CSMD1: variants seen among roughly 807,000 people sequenced by gnomAD.
CSMD1 encodes CUB and sushi domain-containing protein 1.
CSMD1 carries 213 observed loss-of-function variants against 417.5 expected under a neutral mutation model. The ratio of observed to expected loss-of-function variants is 0.51; its 90% confidence interval spans 0.46 to 0.57. The LOEUF (loss-of-function observed/expected upper bound fraction) is 0.57, where lower values mean the gene tolerates loss of function less well. Among genes scored for constraint, CSMD1 ranks in the 20% least tolerant of loss-of-function variants. CSMD1 has a pLI of 0.00. For missense variants in CSMD1, 6,923 were observed against 4,529.7 expected (o/e 1.53, Z -15.17); for synonymous variants, 2,862 against 1,736.8 (o/e 1.65, Z -16.11).
chr8:3,711,682 C>G (rs2129041226), intron 6 of CSMD1, among the ~76,000 whole-genome samples: 1 of 152,290 alleles, frequency 6.6e-6, no homozygotes. Flanking sequence ...CTCCTGGTGG[C>G]ACACTCAGAA....
At chr8:4,183,511 GCA>G (rs756217990) in intron 3 of CSMD1, among the ~76,000 whole-genome samples, 1 of 152,146 alleles carries the variant, frequency 6.6e-6, no homozygotes, top group Admixed American at 6.5e-5. Flanking sequence ...CTTCTATCAT[GCA>G]CAGACATTAC....
intron 6 of CSMD1, among the ~76,000 whole-genome samples, chr8:3,710,032 C>A (rs5003043): frequency 2.6e-5 from 4 of 151,824 alleles, no homozygotes; most frequent in Non-Finnish European, 5.9e-5. Flanking sequence ...ATAGCCCACT[C>A]TTGACCAGAT....
Position 3,106,600 on chromosome 8 carries a change from C to G in CSMD1, c.6877G>C (p.Val2293Leu). 1 of 1,613,754 alleles carries G rather than the reference C, an allele frequency of 6.2e-7. No homozygotes were observed. Among genetic ancestry groups the G allele is most frequent in the Non-Finnish European group, 8.5e-7 (1 of 1,179,806 alleles). ...TTGCAAGTCAGAATGTCGGTCCCCACCAAGGTGTACCCGGGGTGGCACTGG... is the reference window on the plus strand; with the variant it reads ...TTGCAAGTCAGAATGTCGGTCCCCAGCAAGGTGTACCCGGGGTGGCACTGG... The part of the protein sequence containing the change: ...KYQCHPGYTL[V>L]GTDILTCKLS... Residue 2293 changes from valine (V) to leucine (L), a missense_variant, in exon 46 of 70, where the codon GTG becomes CTG. By Grantham distance (32) the Val-to-Leu change is conservative (BLOSUM62 1). Coordinates refer to ENST00000635120, the MANE Select transcript of CSMD1 (RefSeq NM_033225.6).
intron 4 of CSMD1, among the ~76,000 whole-genome samples, chr8:4,008,445 G>A (rs1266916587): frequency 6.6e-6 from 1 of 151,412 alleles, no homozygotes; most frequent in Non-Finnish European, 1.5e-5. Flanking sequence ...GAAATTTGGT[G>A]ACAGAATTAA....
intron 4 of CSMD1, among the ~76,000 whole-genome samples, chr8:4,016,034 C>T (rs1359746552): frequency 1.3e-5 from 2 of 152,182 alleles, no homozygotes; most frequent in African/African-American, 2.4e-5. Context: ...TTGGACATGA[C>T]ATCTAAGCTC....
At chr8:4,131,267 T>C (rs1803085639) in intron 3 of CSMD1, among the ~76,000 whole-genome samples, 3 of 151,080 alleles carry the variant, frequency 2.0e-5, no homozygotes, top group Admixed American at 6.6e-5. Context: ...GGAGATGAAC[T>C]GTAGGAACTG....
At chr8:3,096,105 A>C (rs1381074436) in intron 47 of CSMD1, among the ~76,000 whole-genome samples, 1 of 152,202 alleles carries the variant, frequency 6.6e-6, no homozygotes, top group Non-Finnish European at 1.5e-5. Flanking sequence ...TATTACATAT[A>C]GGAGAGAGAG....
intron 5 of CSMD1, among the ~76,000 whole-genome samples, chr8:3,852,902 TA>T (rs1455716768): frequency 1.3e-5 from 2 of 152,176 alleles, no homozygotes; most frequent in Non-Finnish European, 1.5e-5. Context: ...TCTCTCATTT[TA>T]AAATATTTTA....
intron 3 of CSMD1, among the ~76,000 whole-genome samples, chr8:4,064,802 G>A (rs902832999): frequency 1.1e-4 from 16 of 152,006 alleles, no homozygotes; most frequent in African/African-American, 2.4e-4. Flanking sequence ...CTGTACTCCC[G>A]GTGATCTTGT....
intron 36 of CSMD1, among the ~76,000 whole-genome samples, chr8:3,183,862 A>G (rs551501875): frequency 6.6e-6 from 1 of 152,330 alleles, no homozygotes; most frequent in South Asian, 2.1e-4. Context: ...TTTTCACAAC[A>G]ATCACCCCAG....
At chr8:4,909,584 G>C (rs902502844) in intron 1 of CSMD1, among the ~76,000 whole-genome samples, 21 of 152,120 alleles carry the variant, frequency 1.4e-4, no homozygotes, top group African/African-American at 4.3e-4. Context: ...GGTAAGAAGG[G>C]ATATTCCTGG....
At chr8:3,671,213 AG>A (rs968223766) in intron 7 of CSMD1, among the ~76,000 whole-genome samples, 29 of 147,092 alleles carry the variant, frequency 2.0e-4, no homozygotes, top group Non-Finnish European at 1.5e-5. Context: ...ATCTATGTAT[AG>A]GGGATGTATG....
At chr8:3,358,084 TAAAAC>T (rs1313885281) in intron 21 of CSMD1, among the ~76,000 whole-genome samples, 1 of 152,128 alleles carries the variant, frequency 6.6e-6, no homozygotes, top group Non-Finnish European at 1.5e-5. Flanking sequence ...CATGGTAAAA[TAAAAC>T]AAGTTATGCT....
At chr8:3,167,817 C>T (rs1820326750) in intron 37 of CSMD1, among the ~76,000 whole-genome samples, 2 of 152,184 alleles carry the variant, frequency 1.3e-5, no homozygotes, top group South Asian at 4.2e-4. Flanking sequence ...TCATCAGGTC[C>T]CTGGAATTTA....
intron 3 of CSMD1, among the ~76,000 whole-genome samples, chr8:4,230,250 T>C (rs1801634346): frequency 6.6e-6 from 1 of 152,186 alleles, no homozygotes; most frequent in Non-Finnish European, 1.5e-5. Flanking sequence ...TACAATAGAT[T>C]TATATCGTTG....
intron 2 of CSMD1, among the ~76,000 whole-genome samples, chr8:4,610,826 G>T: frequency 6.6e-6 from 1 of 152,182 alleles, no homozygotes; most frequent in East Asian, 1.9e-4. Flanking sequence ...ATGCCTGTGA[G>T]TATAAACAAC....
chr8:4,162,841 C>T (rs1364630258), intron 3 of CSMD1, among the ~76,000 whole-genome samples: 2 of 152,144 alleles, frequency 1.3e-5, no homozygotes, highest in African/African-American at 4.8e-5. Context: ...TATGTGTTCA[C>T]CATTGCAGTA....
chr8:3,539,082 C>T (rs529139533), intron 10 of CSMD1, among the ~76,000 whole-genome samples: 3 of 152,310 alleles, frequency 2.0e-5, no homozygotes, highest in East Asian at 1.9e-4. Flanking sequence ...ACGTCTCTTA[C>T]AGTCTTGCCC....
intron 3 of CSMD1, among the ~76,000 whole-genome samples, chr8:4,327,489 C>G (rs1799626071): frequency 6.6e-6 from 1 of 152,160 alleles, no homozygotes; most frequent in East Asian, 1.9e-4. Context: ...ATGAGCCATT[C>G]TCTGTGCTGA....
Sources: allele counts gnomAD v4.1 joint callset (sites outside exome capture counted in the v4.1 genomes callset), GRCh38; gene constraint gnomAD v4.1.1; transcripts MANE v1.5; gene names NCBI Gene and HGNC (gene_info 2026-07-23, HGNC 2026-07-21).